Variants in IFNAR2 observed in about 807,000 individuals in gnomAD.
IFNAR2 encodes the protein interferon alpha and beta receptor subunit 2.
IFNAR2 carries 30 observed loss-of-function variants against 49.4 expected under a neutral mutation model. That is an observed-to-expected ratio of 0.61 (90% CI 0.45 to 0.82). IFNAR2 has a LOEUF of 0.82. Among genes scored for constraint, IFNAR2 ranks in the 40% least tolerant of loss-of-function variants. The pLI, the probability that IFNAR2 is intolerant of heterozygous loss-of-function variation, is 0.00. For synonymous variants in IFNAR2, 224 were observed against 234.5 expected (o/e 0.96, Z 0.41); for missense variants, 600 against 622.7 (o/e 0.96, Z 0.39).
chr21:33,230,591 T>G lies in IFNAR2; in HGVS notation c.-84+375T>G. On this transcript the variant is annotated intron_variant, in intron 1 of 8. Coordinates refer to ENST00000342136, the MANE Select transcript of IFNAR2 (RefSeq NM_001289125.3). This position sits in a 1 kb window ranked among gnomAD's most constrained non-coding sequence, Gnocchi z 5.5. ...TTGCTAAGTTTGAGGGTCACATTCCTCCAGGTCCACCCCGCCTTGCAAAAC... is the reference window on the plus strand; with the variant it reads ...TTGCTAAGTTTGAGGGTCACATTCCGCCAGGTCCACCCCGCCTTGCAAAAC... The G allele has an allele frequency of 2.1e-6, 1 of 470,560 alleles. No homozygotes were observed. The highest frequency in any genetic ancestry group is 1.6e-5 in the South Asian group (1 of 64,454). 29.1% of individuals were successfully genotyped at this position (470,560 alleles called of 1,614,324 possible).
intron 4 of IFNAR2, among the ~76,000 whole-genome samples, chr21:33,246,185 C>G (rs1385885088): frequency 6.6e-6 from 1 of 152,090 alleles, no homozygotes; most frequent in African/African-American, 2.4e-5. Flanking sequence ...ATTCTCCTGC[C>G]TCAGCCTCCC....
At chr21:33,239,464 A>G (rs1022168142) in intron 1 of IFNAR2, among the ~76,000 whole-genome samples, 3 of 152,210 alleles carry the variant, frequency 2.0e-5, no homozygotes, top group Non-Finnish European at 2.9e-5. Context: ...TGTGAGCTAC[A>G]GGTTCTATAC....
At chr21:33,262,364 CAAA>C (rs58341848) in intron 8 of IFNAR2, among the ~76,000 whole-genome samples, 6 of 96,322 alleles carry the variant, frequency 6.2e-5, no homozygotes, top group Admixed American at 2.4e-4. Context: ...ACTCCCGTCT[CAAA>C]AAAAAAAAAA....
intron 6 of IFNAR2, chr21:33,251,821 G>T: frequency 1.0e-6 from 1 of 967,106 alleles, no homozygotes; most frequent in Non-Finnish European, 1.2e-6. Flanking sequence ...AGTGGCTTAC[G>T]CCTGTAATCC....
chr21:33,237,402 G>A (rs1401776216), intron 1 of IFNAR2, among the ~76,000 whole-genome samples: 1 of 151,974 alleles, frequency 6.6e-6, no homozygotes, highest in African/African-American at 2.4e-5. Flanking sequence ...AGGTGTAGTG[G>A]CAAATGCCTG....
rs1246911969 is a variant in IFNAR2 at position 33,230,309 on chromosome 21, C to A, written c.-84+93C>A. On this transcript the variant is annotated intron_variant, in intron 1 of 8. Coordinates refer to ENST00000342136, the MANE Select transcript of IFNAR2 (RefSeq NM_001289125.3). The surrounding 1 kb of genome is among the most constrained non-coding windows in gnomAD (Gnocchi z 5.5). ...TCCCTGCAGCGGTTCCCGGAATCCC[C>A]TCCGGTTCCCTCTCGCTCTCCCCGA... 7 of 1,019,988 alleles carry A rather than the reference C, an allele frequency of 6.9e-6. No homozygotes were observed. The highest frequency in any genetic ancestry group is 8.7e-6 in the Non-Finnish European group (7 of 808,238). 63.2% of individuals were successfully genotyped at this position (1,019,988 alleles called of 1,614,324 possible).
intron 1 of IFNAR2, chr21:33,236,948 G>T: frequency 2.5e-6 from 2 of 800,146 alleles, no homozygotes; most frequent in South Asian, 5.7e-5. Flanking sequence ...ATTTAGGCAC[G>T]ATGCCAAGAT....
At chr21:33,260,557 G>T in intron 7 of IFNAR2, 40 bp from the exon 8 acceptor site, 1 of 1,560,730 alleles carries the variant, frequency 6.4e-7, no homozygotes, top group Admixed American at 2.1e-5. Flanking sequence ...ATTGTTTATT[G>T]CATTTTTTGA....
rs1182507309 is a variant in IFNAR2, at chr21:33,242,728, C to CAAAAAAAAAAAAAAAAAA, written c.55+754_55+771dup. Among the ~76,000 whole-genome samples the CAAAAAAAAAAAAAAAAAA allele has an allele frequency of 5.6e-4, 27 of 48,580 alleles. 4 individuals carry two copies. Among genetic ancestry groups the CAAAAAAAAAAAAAAAAAA allele is most frequent in the African/African-American group, 2.4e-3 (26 of 11,028 alleles). The allele number at this position is 48,580 out of a possible 152,430, so 31.9% of individuals were successfully genotyped here. ...AGCCTGACAGAGCAAGACTCTGTCTCAAAAAAAAAAAAAAAAAAAATCTCG... is the reference window on the plus strand; with the variant it reads ...AGCCTGACAGAGCAAGACTCTGTCTCAAAAAAAAAAAAAAAAAAAAAAAAAAAAAAAAAAAAAATCTCG... On this transcript the variant is annotated intron_variant, in intron 2 of 8. Transcript: ENST00000342136.
chr21:33,244,773 A>G (rs916457152), intron 3 of IFNAR2, among the ~76,000 whole-genome samples, 178 bp from the exon 4 acceptor site: 14 of 152,140 alleles, frequency 9.2e-5, no homozygotes, highest in Non-Finnish European at 2.1e-4. Context: ...TTGCTCGTTA[A>G]TTGACTTACT....
chr21:33,234,110 CA>C (rs1430187501), intron 1 of IFNAR2, among the ~76,000 whole-genome samples: 1 of 151,236 alleles, frequency 6.6e-6, no homozygotes, highest in East Asian at 1.9e-4. Context: ...TTCTTATGGA[CA>C]AAAAAATTTA....
chr21:33,252,696 A>G lies in IFNAR2; in HGVS notation c.575A>G (p.Asn192Ser), dbSNP rs532067225. The G allele has an allele frequency of 1.9e-6, 3 of 1,613,738 alleles. No individual in the cohort carries two copies. The highest frequency in any genetic ancestry group is 2.5e-6 in the Non-Finnish European group (3 of 1,179,868). ...GAAATAAAAGGAAACATGAGTGGAA[A>G]TTTCACCTATATCATTGACAAGTTA... Reference protein sequence around the residue: ...KPEIKGNMSGNFTYIIDKLIP... With the variant: ...KPEIKGNMSGSFTYIIDKLIP... Residue 192 changes from asparagine to serine, a missense_variant, in exon 7 of 9, where the codon AAT becomes AGT. Physicochemically the swap from Asn to Ser is conservative, Grantham distance 46 (BLOSUM62 1). Coordinates refer to ENST00000342136, the MANE Select transcript of IFNAR2 (RefSeq NM_001289125.3).
chr21:33,261,946 G>C (rs1221447294), intron 8 of IFNAR2, among the ~76,000 whole-genome samples: 2 of 152,182 alleles, frequency 1.3e-5, no homozygotes, highest in African/African-American at 4.8e-5. Flanking sequence ...GAGTAAGTCA[G>C]AACATAGTCT....
In IFNAR2 at chr21:33,263,179, G is replaced by A. The variant is rs200566022; in HGVS notation, c.1227G>A (p.Glu409=). Reference sequence around the variant, plus strand: ...CACTCCAGGACCCTTTTCCCGAAGAGGACTACAGCTCCACGGAGGGGTCTG... The same window carrying A: ...CACTCCAGGACCCTTTTCCCGAAGAAGACTACAGCTCCACGGAGGGGTCTG... ...KSPLQDPFPE[E]DYSSTEGSGG... is the part of the protein sequence containing the mutation. Residue 409 remains glutamate, a synonymous_variant, in exon 9 of 9, where the codon GAG becomes GAA. Coordinates refer to ENST00000342136, the MANE Select transcript of IFNAR2 (RefSeq NM_001289125.3). The A allele has an allele frequency of 1.9e-6, 3 of 1,614,070 alleles. No homozygotes were observed. The highest frequency in any genetic ancestry group is 2.2e-5 in the South Asian group (2 of 91,086).
intron 5 of IFNAR2, 21 bp from the exon 6 acceptor site, chr21:33,248,688 C>A: frequency 1.3e-6 from 2 of 1,586,890 alleles, no homozygotes; most frequent in South Asian, 1.2e-5. Context: ...ATATTCCTGT[C>A]TGTTTTTGTT....
At chr21:33,255,611 CT>C (rs1192759674) in intron 7 of IFNAR2, among the ~76,000 whole-genome samples, 1 of 152,082 alleles carries the variant, frequency 6.6e-6, no homozygotes, top group African/African-American at 2.4e-5. Flanking sequence ...GTACCACCCT[CT>C]CTGTACATTC....
At chr21:33,236,182 A>G (rs1485220017) in intron 1 of IFNAR2, among the ~76,000 whole-genome samples, 1 of 152,090 alleles carries the variant, frequency 6.6e-6, no homozygotes, top group Non-Finnish European at 1.5e-5. Context: ...AGAGCCACCC[A>G]AGGGAGCCCT....
At chr21:33,240,500 C>A (rs1646751115) in intron 1 of IFNAR2, among the ~76,000 whole-genome samples, 1 of 152,106 alleles carries the variant, frequency 6.6e-6, no homozygotes, top group African/African-American at 2.4e-5. Flanking sequence ...ATGGAATCAA[C>A]CTAAGTATCC....
intron 7 of IFNAR2, among the ~76,000 whole-genome samples, chr21:33,258,047 G>A (rs1215196803): frequency 5.3e-5 from 8 of 152,232 alleles, no homozygotes; most frequent in African/African-American, 1.9e-4. Flanking sequence ...GCTCATGCCT[G>A]TAATTCCAGC....
Sources: gnomAD v4.1 joint callset for allele counts (sites outside exome capture counted in the v4.1 genomes callset) on GRCh38, gnomAD v4.1.1 for gene constraint, Gnocchi (gnomAD v3.1) non-coding constraint, MANE v1.5 for transcripts, NCBI Gene and HGNC (gene_info 2026-07-23, HGNC 2026-07-21) for gene names.